NECAB1: variants seen among roughly 807,000 people sequenced by gnomAD.
NECAB1 encodes N-terminal EF-hand calcium binding protein 1.
In NECAB1, 29 loss-of-function variants were observed where a neutral mutation model predicts 57.5. The ratio of observed to expected loss-of-function variants is 0.50; its 90% CI spans 0.38 to 0.69. NECAB1 has a LOEUF of 0.69. Among genes scored for constraint, NECAB1 ranks in the 30% least tolerant of loss-of-function variants. The pLI is 0.00. For missense variants in NECAB1, 372 were observed against 413.8 expected, an observed-to-expected ratio of 0.90 and a Z score of 0.88; for synonymous variants, 142 against 147.7, an observed-to-expected ratio of 0.96 and a Z score of 0.28.
chr8:90,801,064 A>G (rs371616868), intron 1 of NECAB1, among the ~76,000 whole-genome samples: 67 of 152,332 alleles, frequency 4.4e-4, no homozygotes, highest in African/African-American at 1.4e-3. Flanking sequence ...CTCTTTACCC[A>G]TGATGTATTA....
intron 10 of NECAB1, 45 bp from the exon 11 acceptor site, chr8:90,949,762 C>A: frequency 4.3e-6 from 5 of 1,167,400 alleles, no homozygotes; most frequent in Non-Finnish European, 6.3e-6. Flanking sequence ...TAGCTTGCAT[C>A]TTTAATTTCC....
intron 3 of NECAB1, among the ~76,000 whole-genome samples, chr8:90,856,773 G>T (rs1812802701): frequency 1.3e-5 from 2 of 152,190 alleles, no homozygotes; most frequent in African/African-American, 4.8e-5. Context: ...TTGACCCAGA[G>T]TGCTGACAAA....
chr8:90,911,378 CAAG>C (rs1809826145), intron 5 of NECAB1, among the ~76,000 whole-genome samples: 1 of 151,988 alleles, frequency 6.6e-6, no homozygotes, highest in Non-Finnish European at 1.5e-5. Context: ...GAGGGGAATG[CAAG>C]AAGTACTGTT....
At chr8:90,863,516 G>T (rs912971167) in intron 3 of NECAB1, among the ~76,000 whole-genome samples, 3 of 151,076 alleles carry the variant, frequency 2.0e-5, no homozygotes, top group Non-Finnish European at 4.5e-5. Context: ...TGATGCTTTT[G>T]TATACTTACA....
chr8:90,873,922 G>T (rs1808665553), intron 4 of NECAB1, among the ~76,000 whole-genome samples: 1 of 152,062 alleles, frequency 6.6e-6, no homozygotes, highest in African/African-American at 2.4e-5. Context: ...TATGGAAAAA[G>T]CTTTGGCTAT....
At chr8:90,917,759 A>T (rs943970980) in intron 6 of NECAB1, 131 bp downstream of exon 6, 2 of 792,532 alleles carry the variant, frequency 2.5e-6, no homozygotes, top group African/African-American at 1.8e-5. Flanking sequence ...AATGACAGTG[A>T]CCTCCACTGG....
At chr8:90,921,014 T>TTTTG (rs552540513) in intron 6 of NECAB1, among the ~76,000 whole-genome samples, 7 of 152,084 alleles carry the variant, frequency 4.6e-5, no homozygotes, top group South Asian at 4.1e-4. Context: ...TTCACCAGTT[T>TTTTG]TTTGTTTGTT....
intron 3 of NECAB1, among the ~76,000 whole-genome samples, chr8:90,869,146 G>C (rs568400489): frequency 3.3e-5 from 5 of 152,236 alleles, no homozygotes; most frequent in African/African-American, 1.2e-4. Context: ...GTGTGCAGAA[G>C]GCAAGAGCTG....
At chr8:90,818,013 CT>C (rs931216007) in intron 2 of NECAB1, among the ~76,000 whole-genome samples, 2 of 151,746 alleles carry the variant, frequency 1.3e-5, no homozygotes, top group Non-Finnish European at 3.0e-5. Flanking sequence ...ACTATTTCTC[CT>C]TGGCAGTTTT....
chr8:90,884,397 C>T (rs1653138100), intron 5 of NECAB1, among the ~76,000 whole-genome samples: 1 of 152,138 alleles, frequency 6.6e-6, no homozygotes, highest in Non-Finnish European at 1.5e-5. Flanking sequence ...CTAAAGATCA[C>T]AATCATTTTA....
intron 1 of NECAB1, among the ~76,000 whole-genome samples, chr8:90,798,205 T>C (rs1049058676): frequency 4.6e-5 from 7 of 152,238 alleles, no homozygotes; most frequent in African/African-American, 1.7e-4. Flanking sequence ...CCTTGTAAGA[T>C]GCCCAGTCAT....
intron 3 of NECAB1, among the ~76,000 whole-genome samples, chr8:90,853,151 C>G (rs1185700714): frequency 6.6e-6 from 1 of 152,234 alleles, no homozygotes; most frequent in Non-Finnish European, 1.5e-5. Flanking sequence ...GCTCCTGTAA[C>G]CGCTCACCTG....
intron 2 of NECAB1, among the ~76,000 whole-genome samples, chr8:90,822,848 G>GT (rs1247097364): frequency 2.0e-5 from 3 of 147,710 alleles, no homozygotes; most frequent in Non-Finnish European, 4.4e-5. Context: ...GTCGATTTCT[G>GT]TTTTTTCTTT....
chr8:90,792,113 T>A lies in NECAB1; in HGVS notation c.99+128T>A, dbSNP rs1811585499. 7.0e-6 allele frequency: 5 copies of A among 709,782 alleles called. No homozygotes were observed. The South Asian group carries it at 9.1e-5, about 13-fold the overall frequency. The allele number at this position is 709,782 out of a possible 1,614,324, so 44.0% of individuals were successfully genotyped here. A position where few individuals can be genotyped will look rare whatever the true frequency, so the allele number is the denominator to read the frequency against. ...CCAGAACACAGGCGAGAACTACCGATGCAAATGCAGGAGGAACGACTGTCC... is the reference window on the plus strand; with the variant it reads ...CCAGAACACAGGCGAGAACTACCGAAGCAAATGCAGGAGGAACGACTGTCC... On this transcript the variant is annotated intron_variant, in intron 1 of 12. Transcript: ENST00000417640.
intron 4 of NECAB1, among the ~76,000 whole-genome samples, chr8:90,877,312 A>G (rs1445746213): frequency 6.6e-6 from 1 of 152,170 alleles, no homozygotes; most frequent in African/African-American, 2.4e-5. Flanking sequence ...TGTCACCAAC[A>G]TTCCCAAATC....
At chr8:90,819,283 G>A (rs1586039763) in intron 2 of NECAB1, among the ~76,000 whole-genome samples, 1 of 151,916 alleles carries the variant, frequency 6.6e-6, no homozygotes, top group Middle Eastern at 3.4e-3. Context: ...TATGATTTGT[G>A]TCATATCTGA....
In NECAB1 at chr8:90,949,847, A is replaced by G. The variant is rs1810890227; in HGVS notation, c.901A>G (p.Ile301Val). The G allele has an allele frequency of 6.2e-7, 1 of 1,610,020 alleles. No individual in the cohort carries two copies. Among genetic ancestry groups the G allele is most frequent in the Non-Finnish European group, 8.5e-7 (1 of 1,177,288 alleles). Residue 301 changes from isoleucine (I) to valine (V), a missense_variant, in exon 11 of 13, where the codon ATC (isoleucine) becomes GTC (valine). Transcript: ENST00000417640. ...QKLSNESRYM[I>V]YEFWENSSVW... Reference sequence around the variant, plus strand: ...GCTTTCAAATGAATCTCGCTACATGATCTATGAGTTCTGGGAGAATAGTAG... The same window carrying G: ...GCTTTCAAATGAATCTCGCTACATGGTCTATGAGTTCTGGGAGAATAGTAG...
rs6990212 is a variant in NECAB1, at chr8:90,830,495, G to A, written c.233+5670G>A. Among the ~76,000 whole-genome samples the A allele has an allele frequency of 7.7e-3, 1,176 of 152,150 alleles. 14 individuals are homozygous for A. The highest frequency in any genetic ancestry group is 0.026 in the African/African-American group (1,093 of 41,528). ...CAGACTAACATGCAATGAACAAACCGGGCTTGCCAGGCTTGGGTTTCAGCA... is the reference window on the plus strand; with the variant it reads ...CAGACTAACATGCAATGAACAAACCAGGCTTGCCAGGCTTGGGTTTCAGCA... On this transcript the variant is annotated intron_variant, in intron 3 of 12. Transcript: ENST00000417640.
At chr8:90,875,173 A>G (rs1808692950) in intron 4 of NECAB1, among the ~76,000 whole-genome samples, 2 of 152,132 alleles carry the variant, frequency 1.3e-5, no homozygotes, top group South Asian at 4.1e-4. Flanking sequence ...CAGATCTTGA[A>G]GTTGGTAGTT....
Sources: allele counts gnomAD v4.1 joint callset (sites outside exome capture counted in the v4.1 genomes callset), GRCh38; gene constraint gnomAD v4.1.1; transcripts MANE v1.5; gene names NCBI Gene and HGNC (gene_info 2026-07-23, HGNC 2026-07-21).